NPHP4: variants seen among roughly 807,000 people sequenced by gnomAD.
NPHP4 encodes the protein nephrocystin-4.
In NPHP4, 151 loss-of-function variants were observed where a neutral mutation model predicts 155.8. The ratio of observed to expected loss-of-function variants is 0.97; its 90% CI spans 0.85 to 1.11. The LOEUF (loss-of-function observed/expected upper bound fraction) is 1.11, where lower values mean the gene tolerates loss of function less well. NPHP4 is among the 50% of genes least tolerant of loss of function. NPHP4 has a pLI of 0.00. For missense variants in NPHP4, 1,956 were observed against 1,925.7 expected (o/e 1.02, Z -0.29); for synonymous variants, 845 against 816.8 (o/e 1.03, Z -0.59).
chr1:5,883,994 C>T (rs1329168024), intron 18 of NPHP4, among the ~76,000 whole-genome samples: 1 of 152,186 alleles, frequency 6.6e-6, no homozygotes, highest in Admixed American at 6.5e-5. Context: ...ATGACCGTTT[C>T]CTCTTACTAT....
intron 16 of NPHP4, among the ~76,000 whole-genome samples, chr1:5,902,173 C>A (rs1644714133): frequency 6.6e-6 from 1 of 152,188 alleles, no homozygotes; most frequent in African/African-American, 2.4e-5. Context: ...CCTAACTGAG[C>A]TAACTAACTA....
chr1:5,867,624 C>A lies in NPHP4; in HGVS notation c.3472+116G>T. 1.8e-6 allele frequency: 2 copies of A among 1,084,980 alleles called. No individual in the cohort carries two copies. Among genetic ancestry groups the A allele is most frequent in the South Asian group, 1.5e-5 (1 of 66,934 alleles). 67.2% of individuals were successfully genotyped at this position (1,084,980 alleles called of 1,614,324 possible). On this transcript the variant is annotated intron_variant, in intron 24 of 29. Transcript: ENST00000378156. This position sits in a 1 kb window ranked among gnomAD's most constrained non-coding sequence, Gnocchi z 4.1. ...GAGAGAATTCCCCAGGCCCCACGTG[C>A]TGCTCTGACAGCACCAGGGCATGAA...
rs927825327 is a variant in NPHP4, at chr1:5,922,825, C to T, written c.1441+4824G>A. Among the ~76,000 whole-genome samples, 11 of 151,372 alleles carry T rather than the reference C, an allele frequency of 7.3e-5. No individual in the cohort carries two copies. The East Asian group carries it at 1.2e-3, about 16-fold the overall frequency. ...CCTGCAGTCCTGGCTTAGCCGGGCA[C>T]GGTGGCACTGCCTGCAGTCCTGGCT... is the stretch of plus-strand genomic sequence containing the variant. On this transcript the variant is annotated intron_variant, in intron 11 of 29. Transcript: ENST00000378156.
intron 1 of NPHP4, among the ~76,000 whole-genome samples, chr1:5,988,369 C>G (rs761485595): frequency 6.6e-6 from 1 of 152,196 alleles, no homozygotes; most frequent in Non-Finnish European, 1.5e-5. Flanking sequence ...CAAACAGGAG[C>G]CTTCAGCTGT....
chr1:5,971,793 T>A (rs2047811), intron 3 of NPHP4, among the ~76,000 whole-genome samples: 6 of 152,036 alleles, frequency 3.9e-5, no homozygotes, highest in Non-Finnish European at 5.9e-5. Flanking sequence ...GAAACTGCAC[T>A]ATTAAAAGGT....
At chr1:5,924,430 G>A (rs1645894183) in intron 11 of NPHP4, among the ~76,000 whole-genome samples, 1 of 151,990 alleles carries the variant, frequency 6.6e-6, no homozygotes, top group African/African-American at 2.4e-5. Flanking sequence ...AATCATTCTG[G>A]GCAAGCAGAG....
At chr1:5,976,100 G>GA (rs1208133681) in intron 3 of NPHP4, among the ~76,000 whole-genome samples, 1 of 152,192 alleles carries the variant, frequency 6.6e-6, no homozygotes, top group Non-Finnish European at 1.5e-5. Context: ...GAACACTTCA[G>GA]AACAAAATGC....
rs531109367 is a variant in NPHP4, at chr1:5,926,991, C to T, written c.1441+658G>A. On this transcript the variant is annotated intron_variant, in intron 11 of 29. Transcript: ENST00000378156. ...CAGGTGGACTACTCCAACACTCCCT[C>T]GTACCTTCCGCCCCTCACTTCAGTA... is the stretch of plus-strand genomic sequence containing the variant. Among the ~76,000 whole-genome samples the T allele has an allele frequency of 7.9e-5, 12 of 152,348 alleles. No individual in the cohort carries two copies. In the South Asian group the frequency reaches 2.5e-3, roughly 32 times the overall value.
At chr1:5,952,086 C>G (rs1648192343) in intron 7 of NPHP4, among the ~76,000 whole-genome samples, 1 of 152,300 alleles carries the variant, frequency 6.6e-6, no homozygotes, top group African/African-American at 2.4e-5. Flanking sequence ...TGAAAAGCAA[C>G]AGACAGGAAC....
rs753585933 is a variant in NPHP4 at position 5,867,882 on chromosome 1, C to T, written c.3330G>A (p.Ala1110=). 38 of 1,613,842 alleles carry T rather than the reference C, an allele frequency of 2.4e-5. No individual in the cohort carries two copies. Among genetic ancestry groups the T allele is most frequent in the Admixed American group, 1.8e-4 (11 of 60,010 alleles). ...PTKHAKVLFR[A]SGGKPIAVLC... ...GCACGGCGATGGGCTTGCCACCACTCGCTCGGAACAAGACCTGTGAGGAGG... is the reference window on the plus strand; with the variant it reads ...GCACGGCGATGGGCTTGCCACCACTTGCTCGGAACAAGACCTGTGAGGAGG... The change falls in exon 24 of 30, where the codon GCG becomes GCA. Residue 1110 remains alanine, a synonymous_variant. Transcript: ENST00000378156. This position sits in a 1 kb window ranked among gnomAD's most constrained non-coding sequence, Gnocchi z 4.1.
At position 5,940,075 on chromosome 1, in the gene NPHP4, G is replaced by A. The variant is rs534493103; in HGVS notation, c.1120-6746C>T. 2.0e-5 allele frequency among the ~76,000 whole-genome samples: 3 copies of A among 152,308 alleles called. No homozygotes were observed. In the South Asian group the frequency reaches 6.2e-4, roughly 32 times the overall value. ...AAATCAGAACTACCGCTCATCAAAA[G>A]ATAGTGTAACATTTGGGGTGCTATA... is the stretch of plus-strand genomic sequence containing the variant. On this transcript the variant is annotated intron_variant, in intron 9 of 29. Coordinates refer to ENST00000378156, the MANE Select transcript of NPHP4 (RefSeq NM_015102.5).
rs752624938 is a variant in NPHP4, at chr1:5,948,241, G to T, written c.821C>A (p.Pro274Gln). ...GATCTCCAGGGCACCACCGTCCAGTGGGCCACATCCCTGGAAGAGGCACAG... is the reference window on the plus strand; with the variant it reads ...GATCTCCAGGGCACCACCGTCCAGTTGGCCACATCCCTGGAAGAGGCACAG... ...VQDHFQEGCGPLDGGALEILE... is the reference protein window; with the variant it reads ...VQDHFQEGCGQLDGGALEILE... Residue 274 changes from proline to glutamine, a missense_variant, in exon 8 of 30, where the codon CCA becomes CAA. Pro to Gln is a moderately conservative substitution (Grantham distance 76). Coordinates refer to ENST00000378156, the MANE Select transcript of NPHP4 (RefSeq NM_015102.5). 4.5e-6 allele frequency: 7 copies of T among 1,571,016 alleles called. No homozygotes were observed. Among genetic ancestry groups the T allele is most frequent in the Non-Finnish European group, 6.0e-6 (7 of 1,161,456 alleles).
intron 16 of NPHP4, among the ~76,000 whole-genome samples, chr1:5,891,249 C>G (rs1161816808): frequency 6.6e-6 from 1 of 152,236 alleles, no homozygotes; most frequent in Non-Finnish European, 1.5e-5. Context: ...ACAATAAACT[C>G]CTCCCAAAAT....
chr1:5,882,176 C>A lies in NPHP4; in HGVS notation c.2486-1937G>T. ...AAAGGCCAGTGGTGCACTTACCCAG[C>A]CATCTCTCAGTGGCGCGCTTACCCA... On this transcript the variant is annotated intron_variant, in intron 18 of 29. Coordinates refer to ENST00000378156, the MANE Select transcript of NPHP4 (RefSeq NM_015102.5). This position sits in a 1 kb window ranked among gnomAD's most constrained non-coding sequence, Gnocchi z 5.1. The A allele has an allele frequency of 6.6e-6, 1 of 152,016 alleles. No individual in the cohort carries two copies. Among genetic ancestry groups the A allele is most frequent in the Non-Finnish European group, 1.5e-5 (1 of 68,058 alleles). The allele number at this position is 152,016 out of a possible 1,614,324, so 9.4% of individuals were successfully genotyped here. A position where few individuals can be genotyped will look rare whatever the true frequency, so the allele number is the denominator to read the frequency against.
rs1341561466 is a variant in NPHP4, at chr1:5,880,130, C to T, written c.2595G>A (p.Thr865=). Residue 865 remains threonine, a synonymous_variant, in exon 19 of 30, where the codon ACG becomes ACA. Transcript: ENST00000378156. The part of the protein sequence containing the change: ...ASRFSGGSLL[T]TGSSRRKHVV... Reference sequence around the variant, plus strand: ...TAAACTCACGCCTTGAGCTTCCAGTCGTGAGGAGGCTGCCTCCAGAGAAGC... The same window carrying T: ...TAAACTCACGCCTTGAGCTTCCAGTTGTGAGGAGGCTGCCTCCAGAGAAGC... 8 of 1,613,480 alleles carry T rather than the reference C, an allele frequency of 5.0e-6. No homozygotes were observed. The highest frequency in any genetic ancestry group is 5.9e-6 in the Non-Finnish European group (7 of 1,179,700).
chr1:5,880,973 A>T (rs1026379397), intron 18 of NPHP4: 2 of 152,320 alleles, frequency 1.3e-5, no homozygotes, highest in African/African-American at 4.8e-5. Context: ...TGCTTGTGCC[A>T]TCAATTTCCT....
chr1:5,893,823 G>C (rs1256343331), intron 16 of NPHP4, among the ~76,000 whole-genome samples: 1 of 152,182 alleles, frequency 6.6e-6, no homozygotes, highest in African/African-American at 2.4e-5. Context: ...CTGGCAACGG[G>C]CGTCTTCCCA....
intron 16 of NPHP4, among the ~76,000 whole-genome samples, chr1:5,898,695 A>G (rs1644518742): frequency 6.6e-6 from 1 of 152,276 alleles, no homozygotes; most frequent in African/African-American, 2.4e-5. Flanking sequence ...TTCTGAGAAC[A>G]TAATTTTCCT....
At chr1:5,970,729 T>C (rs1250956355) in intron 3 of NPHP4, among the ~76,000 whole-genome samples, 1 of 152,176 alleles carries the variant, frequency 6.6e-6, no homozygotes, top group Non-Finnish European at 1.5e-5. Context: ...TCTTCCGCTC[T>C]ATGACTTAAA....
Sources: gnomAD v4.1 joint callset for allele counts (sites outside exome capture counted in the v4.1 genomes callset) on GRCh38, gnomAD v4.1.1 for gene constraint, Gnocchi (gnomAD v3.1) non-coding constraint, MANE v1.5 for transcripts, NCBI Gene and HGNC (gene_info 2026-07-23, HGNC 2026-07-21) for gene names.